Variants in ATG13 observed in about 807,000 individuals in gnomAD.
The protein encoded by ATG13 is autophagy related 13.
ATG13 carries 23 observed loss-of-function variants against 65.5 expected under a neutral mutation model. That is an observed-to-expected ratio of 0.35 (90% confidence interval 0.25 to 0.50). The LOEUF (loss-of-function observed/expected upper bound fraction) is 0.50, where lower values mean the gene tolerates loss of function less well. Ranked by LOEUF, ATG13 falls within the 20% of genes least tolerant of loss-of-function variation. The probability of loss-of-function intolerance (pLI) is 0.98; values close to 1 mark genes in which losing one functional copy is unlikely to be tolerated. For missense variants in ATG13, 566 were observed against 677.0 expected, an observed-to-expected ratio of 0.84 and a Z score of 1.82; for synonymous variants, 252 against 245.2, an observed-to-expected ratio of 1.03 and a Z score of -0.26.
intron 2 of ATG13, among the ~76,000 whole-genome samples, chr11:46,640,370 T>G (rs2136170502): frequency 6.6e-6 from 1 of 152,318 alleles, no homozygotes; most frequent in South Asian, 2.1e-4. Flanking sequence ...ATAGGTTCCA[T>G]CAGAATGGCA....
At chr11:46,655,618 C>G (rs879399509) in intron 7 of ATG13, among the ~76,000 whole-genome samples, 3 of 152,168 alleles carry the variant, frequency 2.0e-5, no homozygotes, top group Non-Finnish European at 2.9e-5. Flanking sequence ...TAGTAGCAAT[C>G]CTAGACCTGT....
intron 7 of ATG13, 128 bp from the exon 8 acceptor site, chr11:46,656,105 C>T (rs1295695363): frequency 1.4e-6 from 1 of 736,372 alleles, no homozygotes; most frequent in African/African-American, 1.8e-5. Flanking sequence ...ACTAATGCTC[C>T]ATCAGCAGAG....
chr11:46,638,542 C>CT (rs1393810498), intron 2 of ATG13: 1 of 152,196 alleles, frequency 6.6e-6, no homozygotes, highest in Non-Finnish European at 1.5e-5. Context: ...TTCCTCCTAT[C>CT]TAACTGTGGC....
chr11:46,667,148 T>A (rs2062558042), intron 14 of ATG13, among the ~76,000 whole-genome samples: 1 of 152,098 alleles, frequency 6.6e-6, no homozygotes, highest in Admixed American at 6.5e-5. Flanking sequence ...ATAGTACAGG[T>A]CCTCCCTGCT....
intron 2 of ATG13, among the ~76,000 whole-genome samples, chr11:46,631,805 G>A (rs553144707): frequency 9.2e-5 from 14 of 152,292 alleles, no homozygotes; most frequent in African/African-American, 3.4e-4. Context: ...CTTGGGCCCA[G>A]GAGGTCCAGG....
chr11:46,638,996 A>T (rs7932492), intron 2 of ATG13, among the ~76,000 whole-genome samples: 13,043 of 146,000 alleles, frequency 0.089, 936 homozygotes, highest in African/African-American at 0.2. Flanking sequence ...TTATTTATTT[A>T]TTTTTTTTTG....
Position 46,674,018 on chromosome 11 carries a change from C to T in ATG13, c.*1686C>T, listed in dbSNP as rs1320108568. 3 of 152,270 alleles carry T rather than the reference C, an allele frequency of 2.0e-5. No homozygotes were observed. The highest frequency in any genetic ancestry group is 7.2e-5 in the African/African-American group (3 of 41,462). 9.4% of individuals were successfully genotyped at this position (152,270 alleles called of 1,614,324 possible). A position where few individuals can be genotyped will look rare whatever the true frequency, so the allele number is the denominator to read the frequency against. On this transcript the variant is annotated 3_prime_UTR_variant, in exon 19 of 19. Transcript: ENST00000683050. ...CAGAAGCAGTAGCAGCCAACTGGCC[C>T]TCCTGACTTTGGCCCAGAGCACATG... is the stretch of plus-strand genomic sequence containing the variant.
intron 2 of ATG13, among the ~76,000 whole-genome samples, chr11:46,637,414 C>G (rs2054334242): frequency 6.6e-6 from 1 of 152,148 alleles, no homozygotes; most frequent in South Asian, 2.1e-4. Context: ...ATTTATTAAT[C>G]TTTCGTTTGA....
intron 2 of ATG13, among the ~76,000 whole-genome samples, chr11:46,635,945 CTTTG>C (rs2053789856): frequency 6.6e-6 from 1 of 152,030 alleles, no homozygotes; most frequent in Admixed American, 6.6e-5. Flanking sequence ...TTCTTTCTTT[CTTTG>C]TTTTTCTTCT....
chr11:46,650,411 C>A, intron 7 of ATG13, 94 bp downstream of exon 7: 2 of 1,478,540 alleles, frequency 1.4e-6, no homozygotes, highest in South Asian at 1.3e-5. Flanking sequence ...ATGTTTTGGA[C>A]AGTTGGTTGG....
chr11:46,646,447 C>T (rs545168341), intron 5 of ATG13, among the ~76,000 whole-genome samples: 1 of 129,698 alleles, frequency 7.7e-6, no homozygotes, highest in Admixed American at 8.8e-5. Context: ...TGCACCCACC[C>T]TGTTTTTTGT....
intron 1 of ATG13, among the ~76,000 whole-genome samples, chr11:46,622,274 T>C (rs1273707737): frequency 6.6e-6 from 1 of 151,174 alleles, no homozygotes; most frequent in Admixed American, 6.6e-5. Context: ...CCCACTACCA[T>C]GCCTGGCTAA....
intron 11 of ATG13, 52 bp from the exon 12 acceptor site, chr11:46,663,945 C>CTTTTTTTTTTTT (rs953835564): frequency 2.0e-5 from 15 of 763,616 alleles, no homozygotes; most frequent in South Asian, 7.6e-5. Context: ...AGTCCCTTTT[C>CTTTTTTTTTTTT]TTTTTTTTTT....
At chr11:46,639,366 A>G (rs1008768077) in intron 2 of ATG13, among the ~76,000 whole-genome samples, 7 of 152,204 alleles carry the variant, frequency 4.6e-5, no homozygotes, top group African/African-American at 1.7e-4. Flanking sequence ...CAATTGTCAT[A>G]GTGGTTATTG....
rs1325081911 is a variant in ATG13, at chr11:46,674,146, GCT to G, written c.*1819_*1820del. ...TTGATGCCCCCATATTTCAGCTACT[GCT>G]CTCTTTCCAAGGCCTTGCATGGAAA... On this transcript the variant is annotated 3_prime_UTR_variant, in exon 19 of 19. Coordinates refer to ENST00000683050, the MANE Select transcript of ATG13 (RefSeq NM_001346311.2). The G allele has an allele frequency of 3.3e-5, 5 of 152,174 alleles. No individual in the cohort carries two copies. In the East Asian group the frequency reaches 7.7e-4, roughly 23 times the overall value. 9.4% of individuals were successfully genotyped at this position (152,174 alleles called of 1,614,324 possible). A position where few individuals can be genotyped will look rare whatever the true frequency, so the allele number is the denominator to read the frequency against.
intron 1 of ATG13, among the ~76,000 whole-genome samples, chr11:46,623,111 AC>A (rs2048308872): frequency 6.6e-6 from 1 of 151,294 alleles, no homozygotes; most frequent in African/African-American, 2.4e-5. Context: ...ACACGGTGAA[AC>A]CCTGTCTCTA....
Position 46,632,930 on chromosome 11 carries a change from AG to A in ATG13, c.-14+2832del, listed in dbSNP as rs1565446673. ...GTAATCCCAGTGCTTTGGGAGATGG[AG>A]GTGGGAGGATCACTTGAGGCAAGCA... On this transcript the variant is annotated intron_variant, in intron 2 of 18. Transcript: ENST00000683050. Among the ~76,000 whole-genome samples the A allele has an allele frequency of 2.7e-5, 4 of 148,554 alleles. No homozygotes were observed. The Admixed American group carries it at 2.7e-4, about 10-fold the overall frequency.
chr11:46,631,736 G>T (rs2051811590), intron 2 of ATG13, among the ~76,000 whole-genome samples: 1 of 152,056 alleles, frequency 6.6e-6, no homozygotes, highest in Non-Finnish European at 1.5e-5. Flanking sequence ...AAAATTAGTT[G>T]GGTGTAGTGA....
intron 2 of ATG13, among the ~76,000 whole-genome samples, chr11:46,636,847 C>T (rs2054161810): frequency 2.0e-5 from 3 of 152,014 alleles, no homozygotes; most frequent in Non-Finnish European, 2.9e-5. Flanking sequence ...CCTGCCTCAG[C>T]CTCCCGAGTA....
Sources: allele counts gnomAD v4.1 joint callset (sites outside exome capture counted in the v4.1 genomes callset), GRCh38; gene constraint gnomAD v4.1.1; transcripts MANE v1.5; gene names NCBI Gene and HGNC (gene_info 2026-07-23, HGNC 2026-07-21).